Variants in PAMR1 observed in about 807,000 individuals in gnomAD.
PAMR1 encodes the protein inactive serine protease PAMR1.
In PAMR1, 88 loss-of-function variants were observed where a neutral mutation model predicts 81.8. The observed-to-expected ratio is 1.08, with a 90% CI of 0.91 to 1.28. The LOEUF (loss-of-function observed/expected upper bound fraction) is 1.28. Ranked by LOEUF, PAMR1 falls within the 50% of genes most tolerant of loss-of-function variation. PAMR1 has a pLI of 0.00. For synonymous variants in PAMR1, 336 were observed against 345.3 expected (o/e 0.97, Z 0.30); for missense variants, 935 against 919.7 (o/e 1.02, Z -0.21).
intron 6 of PAMR1, among the ~76,000 whole-genome samples, chr11:35,457,849 A>C (rs966497441): frequency 2.0e-5 from 3 of 152,190 alleles, no homozygotes; most frequent in Admixed American, 2.0e-4. Context: ...ATGTCTCATC[A>C]TTATCCTACT....
rs528146324 is a variant in PAMR1, at chr11:35,466,493, C to T, written c.820+1508G>A. Among the ~76,000 whole-genome samples the T allele has an allele frequency of 7.2e-5, 11 of 152,028 alleles. No individual in the cohort carries two copies. In the South Asian group the frequency reaches 1.0e-3, roughly 14 times the overall value. On this transcript the variant is annotated intron_variant, in intron 6 of 10. Coordinates refer to ENST00000619888, the MANE Select transcript of PAMR1 (RefSeq NM_001001991.3). ...CTGTAATCCCAGCACTTTGGGAGGCCGAGGCGGGTGGATCACGAGGTCAGG... is the reference window on the plus strand; with the variant it reads ...CTGTAATCCCAGCACTTTGGGAGGCTGAGGCGGGTGGATCACGAGGTCAGG...
intron 9 of PAMR1, 37 bp downstream of exon 9, chr11:35,435,866 T>A (rs368197789): frequency 3.8e-4 from 557 of 1,475,634 alleles, no homozygotes; most frequent in Non-Finnish European, 4.9e-4. Context: ...CATGAAAGAT[T>A]GAGCATGCTC....
At chr11:35,524,477 G>C (rs1218240499) in intron 1 of PAMR1, among the ~76,000 whole-genome samples, 1 of 152,202 alleles carries the variant, frequency 6.6e-6, no homozygotes, top group African/African-American at 2.4e-5. Flanking sequence ...GACCTGGCCT[G>C]TTTCATTCTC....
intron 8 of PAMR1, among the ~76,000 whole-genome samples, chr11:35,437,713 C>T: frequency 6.6e-6 from 1 of 152,256 alleles, no homozygotes; most frequent in East Asian, 1.9e-4. Flanking sequence ...GCCACCTAAC[C>T]TCCCATTAAT....
rs577966398 is a variant in PAMR1, at chr11:35,494,186, C to T, written c.160G>A (p.Val54Ile). ...ACGACTTCCCTCTTTCCGGGGCAGA[C>T]GCACTCAATCTGATCATATTCACAG... is the stretch of plus-strand genomic sequence containing the variant. Reference protein sequence around the residue: ...ECCEYDQIECVCPGKREVVGY... With the variant: ...ECCEYDQIECICPGKREVVGY... The change falls in exon 2 of 11, where the codon GTC becomes ATC. Residue 54 changes from valine to isoleucine, a missense_variant. Physicochemically the swap from Val to Ile is conservative, Grantham distance 29 (BLOSUM62 3). Transcript: ENST00000619888. 23 of 1,613,918 alleles carry T rather than the reference C, an allele frequency of 1.4e-5. No homozygotes were observed. In the South Asian group the frequency reaches 1.8e-4, roughly 12 times the overall value.
chr11:35,447,187 AT>A (rs1188660657), intron 6 of PAMR1, among the ~76,000 whole-genome samples: 1 of 139,754 alleles, frequency 7.2e-6, no homozygotes, highest in East Asian at 2.1e-4. Flanking sequence ...TTGCTTGGTA[AT>A]TTTTCCTCCA....
chr11:35,475,248 G>A (rs919719171), intron 3 of PAMR1, among the ~76,000 whole-genome samples: 3 of 152,188 alleles, frequency 2.0e-5, no homozygotes, highest in Non-Finnish European at 2.9e-5. Flanking sequence ...GAGTAGTTAT[G>A]TAATAAATGC....
At position 35,432,993 on chromosome 11, in the gene PAMR1, G is replaced by A. The variant is rs1855947618; in HGVS notation, c.1627-101C>T. 4 of 964,884 alleles carry A rather than the reference G, an allele frequency of 4.1e-6. No individual in the cohort carries two copies. In the African/African-American group the frequency reaches 4.9e-5, roughly 12 times the overall value. 59.8% of individuals were successfully genotyped at this position (964,884 alleles called of 1,614,324 possible). A position where few individuals can be genotyped will look rare whatever the true frequency, so the allele number is the denominator to read the frequency against. ...TAAATTTTTGGGAGAAAATGTCTAA[G>A]AGGCAGCTACAATTATTTGGAGATA... On this transcript the variant is annotated intron_variant, in intron 10 of 10. Coordinates refer to ENST00000619888, the MANE Select transcript of PAMR1 (RefSeq NM_001001991.3).
At chr11:35,432,948 G>A in intron 10 of PAMR1, 56 bp from the exon 11 acceptor site, 1 of 1,455,196 alleles carries the variant, frequency 6.9e-7, no homozygotes, top group Non-Finnish European at 9.2e-7. Flanking sequence ...CAGTGGATAA[G>A]AACAGACAAG....
At chr11:35,465,522 T>C (rs1297959253) in intron 6 of PAMR1, among the ~76,000 whole-genome samples, 1 of 152,240 alleles carries the variant, frequency 6.6e-6, no homozygotes, top group African/African-American at 2.4e-5. Flanking sequence ...TGCTAAGGTT[T>C]ACTCAGAAAT....
intron 3 of PAMR1, among the ~76,000 whole-genome samples, chr11:35,490,751 A>G (rs982517357): frequency 6.6e-6 from 1 of 152,248 alleles, no homozygotes; most frequent in African/African-American, 2.4e-5. Flanking sequence ...TACTATTGTC[A>G]GAGCACTAAG....
intron 6 of PAMR1, among the ~76,000 whole-genome samples, chr11:35,458,630 T>C (rs1385119542): frequency 2.6e-5 from 4 of 152,118 alleles, no homozygotes; most frequent in South Asian, 2.1e-4. Flanking sequence ...ATCTAACTGG[T>C]AGTAAGGGCC....
In PAMR1 at chr11:35,436,042, ATCT is replaced by A; in HGVS notation, c.1191_1193del (p.Asp398del). 4 of 1,614,086 alleles carry A rather than the reference ATCT, an allele frequency of 2.5e-6. No homozygotes were observed. The highest frequency in any genetic ancestry group is 3.4e-6 in the Non-Finnish European group (4 of 1,179,982). ...GCAGATGTTGGTATCCCATGGGCAG[ATCT>A]CCAAAGGGAAGGGCTGGCTTCTTGG... On this transcript the variant is annotated inframe_deletion, in exon 9 of 11. Transcript: ENST00000619888.
chr11:35,523,429 C>T (rs901796032), intron 1 of PAMR1, among the ~76,000 whole-genome samples: 10 of 152,264 alleles, frequency 6.6e-5, no homozygotes, highest in East Asian at 1.9e-4. Flanking sequence ...GCAGAGCTAC[C>T]GCAATTTGGT....
chr11:35,520,757 G>A (rs1357165217), intron 1 of PAMR1, among the ~76,000 whole-genome samples: 1 of 152,156 alleles, frequency 6.6e-6, no homozygotes, highest in Non-Finnish European at 1.5e-5. Flanking sequence ...TTCCCCATTT[G>A]CTTACACCCC....
chr11:35,474,327 C>T (rs142922031), intron 4 of PAMR1, among the ~76,000 whole-genome samples: 74 of 152,326 alleles, frequency 4.9e-4, no homozygotes, highest in African/African-American at 1.7e-3. Flanking sequence ...TAGGAACCAG[C>T]CCAGTCCGAG....
intron 6 of PAMR1, chr11:35,451,972 C>T (rs2135355813): frequency 1.5e-6 from 1 of 670,806 alleles, no homozygotes; most frequent in Middle Eastern, 2.9e-4. Context: ...TTTAAGTCAC[C>T]CAGTCTATGG....
intron 8 of PAMR1, among the ~76,000 whole-genome samples, 183 bp downstream of exon 8, chr11:35,439,444 G>A (rs150995221): frequency 9.2e-5 from 14 of 152,258 alleles, no homozygotes; most frequent in Non-Finnish European, 1.9e-4. Context: ...CTACCTCTTG[G>A]CTAAAGGCAG....
At chr11:35,527,415 A>C (rs183414191), upstream of PAMR1, among the ~76,000 whole-genome samples, 250 of 152,276 alleles carry the variant, frequency 1.6e-3, 2 homozygotes, top group Admixed American at 0.013. Context: ...CTATTATCTG[A>C]CCTGAGACTG....
Sources: allele counts gnomAD v4.1 joint callset (sites outside exome capture counted in the v4.1 genomes callset), GRCh38; gene constraint gnomAD v4.1.1; transcripts MANE v1.5; gene names NCBI Gene and HGNC (gene_info 2026-07-23, HGNC 2026-07-21).